MAP7: variants seen among roughly 807,000 people sequenced by gnomAD.
The protein encoded by MAP7 is microtubule associated protein 7.
In MAP7, 52 loss-of-function variants were observed where a neutral mutation model predicts 94.8. That is an observed-to-expected ratio of 0.55 (90% CI 0.44 to 0.69). The LOEUF is 0.69. Ranked by LOEUF, MAP7 falls within the 30% of genes least tolerant of loss-of-function variation. The pLI, the probability that MAP7 is intolerant of heterozygous loss-of-function variation, is 0.00. For synonymous variants in MAP7, 350 were observed against 357.0 expected (o/e 0.98, Z 0.22); for missense variants, 940 against 964.6 (o/e 0.97, Z 0.34).
At chr6:136,378,009 G>A in intron 6 of MAP7, 141 bp from the exon 7 acceptor site, 3 of 549,024 alleles carry the variant, frequency 5.5e-6, no homozygotes, top group East Asian at 2.9e-5. Flanking sequence ...CAAGAGTCAG[G>A]GCAACAGGAC....
chr6:136,366,417 C>T lies in MAP7; in HGVS notation c.899G>A (p.Arg300Lys). ...GTASYKKERERENVLFLTSGT... is the reference protein window; with the variant it reads ...GTASYKKEREKENVLFLTSGT... Reference sequence around the variant, plus strand: ...AGATGTGAGGAAGAGTACATTTTCTCTCTCTCTTTCTTTTTTATAGCTCTA... The same window carrying T: ...AGATGTGAGGAAGAGTACATTTTCTTTCTCTCTTTCTTTTTTATAGCTCTA... Residue 300 changes from arginine to lysine, a missense_variant, in exon 9 of 18, where the codon AGA becomes AAA. By Grantham distance (26) the Arg-to-Lys change is conservative. Transcript: ENST00000354570. 3 of 1,613,444 alleles carry T rather than the reference C, an allele frequency of 1.9e-6. No individual in the cohort carries two copies. Among genetic ancestry groups the T allele is most frequent in the Non-Finnish European group, 2.5e-6 (3 of 1,179,408 alleles).
chr6:136,378,987 G>A (rs1254000341), intron 6 of MAP7, among the ~76,000 whole-genome samples: 1 of 152,146 alleles, frequency 6.6e-6, no homozygotes, highest in Non-Finnish European at 1.5e-5. Context: ...AGCCTCCCAA[G>A]TAGCTGGGTT....
intron 17 of MAP7, 55 bp from the exon 18 acceptor site, chr6:136,344,293 T>A (rs1040576934): frequency 1.1e-6 from 1 of 897,154 alleles, no homozygotes; most frequent in Admixed American, 3.2e-5. Context: ...TCTAAAATCT[T>A]ATTTCAAGAA....
At chr6:136,347,360 C>T (rs1787981449) in intron 16 of MAP7, among the ~76,000 whole-genome samples, 1 of 151,960 alleles carries the variant, frequency 6.6e-6, no homozygotes, top group Non-Finnish European at 1.5e-5. Context: ...CTTTCTATTG[C>T]TTTTTAACAC....
intron 13 of MAP7, 121 bp from the exon 14 acceptor site, chr6:136,360,152 A>ATTT: frequency 1.4e-6 from 1 of 737,112 alleles, no homozygotes; most frequent in Non-Finnish European, 2.1e-6. Flanking sequence ...TACAATATGC[A>ATTT]CTTTTTTTTT....
chr6:136,452,548 T>G (rs998625119), intron 1 of MAP7, among the ~76,000 whole-genome samples: 1 of 150,968 alleles, frequency 6.6e-6, no homozygotes, highest in Non-Finnish European at 1.5e-5. Flanking sequence ...TTAGCAATAA[T>G]TTTTTTTTTA....
In MAP7 at chr6:136,455,960, T is replaced by C. The variant is rs533351898; in HGVS notation, c.68-34161A>G. 2.9e-4 allele frequency among the ~76,000 whole-genome samples: 44 copies of C among 152,344 alleles called. 1 individual carries two copies. In the South Asian group the frequency reaches 8.9e-3, roughly 31 times the overall value. Reference sequence around the variant, plus strand: ...GAGAAGACATCAACTTAAATGTGCATACAAAACCTTACTAAACAACCCCTG... The same window carrying C: ...GAGAAGACATCAACTTAAATGTGCACACAAAACCTTACTAAACAACCCCTG... On this transcript the variant is annotated intron_variant, in intron 1 of 17. Coordinates refer to ENST00000354570, the MANE Select transcript of MAP7 (RefSeq NM_003980.6).
chr6:136,527,332 G>A (rs1053791561), intron 1 of MAP7, among the ~76,000 whole-genome samples: 1 of 152,070 alleles, frequency 6.6e-6, no homozygotes, highest in African/African-American at 2.4e-5. Context: ...GCCAAATTAA[G>A]AAAAAACATT....
At chr6:136,365,692 GAA>G (rs950871919) in intron 10 of MAP7, 41 bp downstream of exon 10, 3 of 1,589,316 alleles carry the variant, frequency 1.9e-6, no homozygotes, top group Admixed American at 3.6e-5. Context: ...CAGTGCGGGA[GAA>G]AAAGAGAGAG....
In MAP7 at chr6:136,435,477, T is replaced by C. The variant is rs146373474; in HGVS notation, c.68-13678A>G. On this transcript the variant is annotated intron_variant, in intron 1 of 17. Transcript: ENST00000354570. ...AATAGATCTCATTTCAGTCTTTGAGTGCCCCCTCAAACTGCCACTTTTCCT... is the reference window on the plus strand; with the variant it reads ...AATAGATCTCATTTCAGTCTTTGAGCGCCCCCTCAAACTGCCACTTTTCCT... 7.9e-4 allele frequency among the ~76,000 whole-genome samples: 120 copies of C among 152,362 alleles called. 1 individual carries two copies. The highest frequency in any genetic ancestry group is 2.8e-3 in the African/African-American group (115 of 41,592).
chr6:136,436,935 G>A (rs370999374), intron 1 of MAP7, among the ~76,000 whole-genome samples: 2 of 152,268 alleles, frequency 1.3e-5, no homozygotes, highest in African/African-American at 4.8e-5. Flanking sequence ...TCAAATTAAT[G>A]TGACCACATT....
At chr6:136,365,653 A>C in intron 10 of MAP7, 82 bp downstream of exon 10, 1 of 1,461,982 alleles carries the variant, frequency 6.8e-7, no homozygotes, top group East Asian at 2.3e-5. Flanking sequence ...TAAAAGAAGA[A>C]AAGGAAAACA....
At chr6:136,526,567 C>T in intron 1 of MAP7, 8 of 985,500 alleles carry the variant, frequency 8.1e-6, no homozygotes, top group Non-Finnish European at 9.6e-6. Context: ...CGGCAGCTTG[C>T]AGGATGCTGG....
chr6:136,475,449 A>G (rs975570703), intron 1 of MAP7, among the ~76,000 whole-genome samples: 7 of 152,232 alleles, frequency 4.6e-5, no homozygotes, highest in Non-Finnish European at 8.8e-5. Context: ...AGTACTGTAG[A>G]TTCTCTAACA....
chr6:136,526,478 C>T lies in MAP7; in HGVS notation c.67+23864G>A, dbSNP rs182529599. The T allele has an allele frequency of 6.0e-5, 59 of 985,680 alleles. 1 individual carries two copies. The African/African-American group carries it at 9.6e-4, about 16-fold the overall frequency. The allele number at this position is 985,680 out of a possible 1,614,324, so 61.1% of individuals were successfully genotyped here. On this transcript the variant is annotated intron_variant, in intron 1 of 17. Transcript: ENST00000354570. Reference sequence around the variant, plus strand: ...GAGAGGGGAAAATATGATATGCTGCCGTTAACAGTTGCCCTGACAACCCTA... The same window carrying T: ...GAGAGGGGAAAATATGATATGCTGCTGTTAACAGTTGCCCTGACAACCCTA...
intron 1 of MAP7, among the ~76,000 whole-genome samples, chr6:136,528,888 C>T (rs1284404076): frequency 1.3e-5 from 2 of 152,144 alleles, no homozygotes; most frequent in African/African-American, 2.4e-5. Flanking sequence ...TCACTTAAGA[C>T]ATAAATTCAT....
At chr6:136,478,882 C>T (rs961750855) in intron 1 of MAP7, among the ~76,000 whole-genome samples, 1 of 149,518 alleles carries the variant, frequency 6.7e-6, no homozygotes, top group African/African-American at 2.5e-5. Flanking sequence ...AGAACTAATG[C>T]TAATCCTACT....
chr6:136,519,932 C>T (rs1422449100), intron 1 of MAP7, among the ~76,000 whole-genome samples: 1 of 152,088 alleles, frequency 6.6e-6, no homozygotes, highest in African/African-American at 2.4e-5. Context: ...GGTGCAGTGG[C>T]TCACTCCTGC....
At chr6:136,445,941 T>C (rs1215458776) in intron 1 of MAP7, among the ~76,000 whole-genome samples, 3 of 152,192 alleles carry the variant, frequency 2.0e-5, no homozygotes, top group African/African-American at 7.2e-5. Flanking sequence ...CCAAAATGCA[T>C]GGGGATTTTT....
Sources: allele counts gnomAD v4.1 joint callset (sites outside exome capture counted in the v4.1 genomes callset), GRCh38; gene constraint gnomAD v4.1.1; transcripts MANE v1.5; gene names NCBI Gene and HGNC (gene_info 2026-07-23, HGNC 2026-07-21).